DMD: variants seen among roughly 807,000 people sequenced by gnomAD.
DMD encodes mutant dystrophin.
DMD carries 63 observed loss-of-function variants against 330.1 expected under a neutral mutation model. The observed-to-expected ratio is 0.19, with a 90% CI of 0.16 to 0.24. DMD has a LOEUF of 0.24. Among genes scored for constraint, DMD ranks in the 10% least tolerant of loss-of-function variants. The pLI, the probability that DMD is intolerant of heterozygous loss-of-function variation, is 1.00. For missense variants in DMD, 3,344 were observed against 2,684.1 expected (o/e 1.25, Z -5.43); for synonymous variants, 1,223 against 959.8 (o/e 1.27, Z -5.07).
intron 11 of DMD, 77 bp downstream of exon 11, chrX:32,644,055 C>T: frequency 2.3e-6 from 2 of 875,761 alleles, no homozygotes; most frequent in Non-Finnish European, 1.6e-6. Context: ...CGTAACTTAA[C>T]CATCAAACCA....
chrX:32,429,602 T>C (rs1220662389), intron 29 of DMD, among the ~76,000 whole-genome samples: 1 of 108,895 alleles, frequency 9.2e-6, no homozygotes, highest in Non-Finnish European at 1.9e-5. Flanking sequence ...ATTTTTCTGT[T>C]TTGTTTTCCT....
At chrX:31,732,870 C>T (rs750576567) in intron 51 of DMD, among the ~76,000 whole-genome samples, 62 of 111,735 alleles carry the variant, frequency 5.5e-4, no homozygotes, top group African/African-American at 2.0e-3. Flanking sequence ...ATTTATTTCT[C>T]TGATATGATC....
At chrX:31,414,799 T>C (rs778591359) in intron 60 of DMD, among the ~76,000 whole-genome samples, 5 of 111,685 alleles carry the variant, frequency 4.5e-5, no homozygotes, top group East Asian at 2.8e-4. Flanking sequence ...GGAAAACCAA[T>C]AGATGTGTAA....
At chrX:31,484,946 A>G (rs1423276732) in intron 57 of DMD, among the ~76,000 whole-genome samples, 3 of 112,187 alleles carry the variant, frequency 2.7e-5, no homozygotes, top group Non-Finnish European at 5.6e-5. Flanking sequence ...CATCCATGCA[A>G]ATTGAGATAC....
intron 1 of DMD, among the ~76,000 whole-genome samples, chrX:33,287,102 G>T (rs1005222766): frequency 6.3e-5 from 7 of 111,529 alleles, no homozygotes; most frequent in South Asian, 7.5e-4. Flanking sequence ...TGAAATTGTG[G>T]GTTTGGTTTG....
chrX:32,712,721 T>A (rs774268443), intron 7 of DMD, among the ~76,000 whole-genome samples: 2 of 111,576 alleles, frequency 1.8e-5, no homozygotes, highest in Non-Finnish European at 3.8e-5. Flanking sequence ...GATTTTTTAT[T>A]ACTAGTGTCA....
chrX:31,957,482 C>T (rs572671318), intron 45 of DMD, among the ~76,000 whole-genome samples: 3 of 111,347 alleles, frequency 2.7e-5, no homozygotes, highest in South Asian at 7.5e-4. Flanking sequence ...AATAATTAAC[C>T]GGGGCAAGAT....
In DMD at chrX:31,171,888, T is replaced by C. The variant is rs759660441; in HGVS notation, c.10394+460A>G. Among the ~76,000 whole-genome samples the C allele has an allele frequency of 4.5e-5, 5 of 111,935 alleles. No homozygotes were observed. The East Asian group carries it at 8.4e-4, about 19-fold the overall frequency. ...GCTAAATCACAAAAATCTACTTCTTTGGATTTCTGAAGGAAAATGCCCAAC... is the reference window on the plus strand; with the variant it reads ...GCTAAATCACAAAAATCTACTTCTTCGGATTTCTGAAGGAAAATGCCCAAC... On this transcript the variant is annotated intron_variant, in intron 73 of 78. Transcript: ENST00000357033.
chrX:32,890,247 G>A (rs964753293), intron 2 of DMD, among the ~76,000 whole-genome samples: 1 of 111,702 alleles, frequency 9.0e-6, no homozygotes, highest in Non-Finnish European at 1.9e-5. Context: ...AGCAGTGCCC[G>A]GTTACGAAGC....
At chrX:31,645,101 T>C (rs1275732807) in intron 54 of DMD, among the ~76,000 whole-genome samples, 1 of 112,189 alleles carries the variant, frequency 8.9e-6, no homozygotes, top group African/African-American at 3.2e-5. Flanking sequence ...ATGGCATTTG[T>C]TTCAGGGAAA....
intron 2 of DMD, among the ~76,000 whole-genome samples, chrX:32,882,196 A>G (rs1462380786): frequency 1.8e-5 from 2 of 111,777 alleles, no homozygotes; most frequent in Non-Finnish European, 3.8e-5. Context: ...CCAGCCACGT[A>G]GCAGCCCCCT....
chrX:32,156,631 T>TACACACACACACACACACAC (rs747490085), intron 44 of DMD, among the ~76,000 whole-genome samples: 1 of 94,055 alleles, frequency 1.1e-5, no homozygotes, highest in Non-Finnish European at 2.1e-5. Flanking sequence ...GACAAAAGGA[T>TACACACACACACACACACAC]ACACACACAC....
At chrX:32,794,207 C>G (rs2076023306) in intron 7 of DMD, among the ~76,000 whole-genome samples, 2 of 111,038 alleles carry the variant, frequency 1.8e-5, no homozygotes, top group African/African-American at 6.6e-5. Flanking sequence ...ACTAGGCATA[C>G]AAAAAAAATT....
At chrX:31,625,178 A>G (rs749013596) in intron 55 of DMD, among the ~76,000 whole-genome samples, 1 of 112,550 alleles carries the variant, frequency 8.9e-6, no homozygotes. Context: ...AAGTGGATTT[A>G]TAGAAAATAC....
chrX:32,387,680 T>G (rs1226061025), intron 32 of DMD, among the ~76,000 whole-genome samples: 1 of 111,387 alleles, frequency 9.0e-6, no homozygotes, highest in Non-Finnish European at 1.9e-5. Context: ...TGTCTGAGTT[T>G]CCCAGATGAT....
intron 44 of DMD, among the ~76,000 whole-genome samples, chrX:32,001,647 AATGAT>A (rs2095627698): frequency 9.0e-6 from 1 of 111,488 alleles, no homozygotes; most frequent in Non-Finnish European, 1.9e-5. Flanking sequence ...CCTTGTCTTC[AATGAT>A]ATTTTTGAAA....
intron 2 of DMD, among the ~76,000 whole-genome samples, chrX:32,901,232 T>C (rs1043024942): frequency 5.4e-5 from 6 of 111,927 alleles, no homozygotes; most frequent in African/African-American, 1.9e-4. Context: ...GCATTTATAC[T>C]GTGGAAAATT....
At chrX:31,376,964 C>T (rs1415348998) in intron 60 of DMD, among the ~76,000 whole-genome samples, 2 of 112,297 alleles carry the variant, frequency 1.8e-5, no homozygotes, top group East Asian at 2.8e-4. Flanking sequence ...CATTTACCAC[C>T]TCTGATGCCA....
intron 55 of DMD, among the ~76,000 whole-genome samples, chrX:31,623,764 C>A (rs1015247753): frequency 1.8e-5 from 2 of 110,739 alleles, no homozygotes; most frequent in African/African-American, 6.6e-5. Flanking sequence ...AGACATGACC[C>A]AGATCACAGA....
Sources: allele counts gnomAD v4.1 joint callset (sites outside exome capture counted in the v4.1 genomes callset), GRCh38; gene constraint gnomAD v4.1.1; transcripts MANE v1.5; gene names NCBI Gene and HGNC (gene_info 2026-07-23, HGNC 2026-07-21).